ZC3H11A: variants seen among roughly 807,000 people sequenced by gnomAD.
The protein encoded by ZC3H11A is zinc finger CCCH domain-containing protein 11A.
A neutral mutation model predicts 90.8 loss-of-function variants in ZC3H11A; 22 were observed. The ratio of observed to expected loss-of-function variants is 0.24; its 90% CI spans 0.17 to 0.35. The LOEUF is 0.35. Ranked by LOEUF, ZC3H11A falls within the 10% of genes least tolerant of loss-of-function variation. The probability of loss-of-function intolerance (pLI) is 1.00; values close to 1 mark genes in which losing one functional copy is unlikely to be tolerated. For missense variants in ZC3H11A, 701 were observed against 964.9 expected (o/e 0.73, Z 3.62); for synonymous variants, 294 against 339.8 (o/e 0.87, Z 1.48).
intron 14 of ZC3H11A, among the ~76,000 whole-genome samples, chr1:203,849,029 C>T (rs1353642424): frequency 3.3e-5 from 5 of 152,164 alleles, no homozygotes; most frequent in Admixed American, 6.5e-5. Flanking sequence ...GGATCAAAGG[C>T]ATGCACCACC....
chr1:203,817,096 A>T lies in ZC3H11A; in HGVS notation c.26A>T (p.Tyr9Phe). Residue 9 changes from tyrosine (Y) to phenylalanine (F), a missense_variant, in exon 3 of 18, where the codon TAT becomes TTT. Physicochemically the swap from Tyr to Phe is conservative, Grantham distance 22. Around this residue, in one of 4 missense-constraint regions of ZC3H11A, gnomAD observed 59 missense variants for 132.8 expected, o/e 0.44. Coordinates refer to ENST00000367210, the MANE Select transcript of ZC3H11A (RefSeq NM_001376342.1). Reference sequence around the variant, plus strand: ...ATGCCTAATCAAGGAGAAGACTGCTATTTTTTTTTCTATTCCACATGTACC... The same window carrying T: ...ATGCCTAATCAAGGAGAAGACTGCTTTTTTTTTTTCTATTCCACATGTACC... MPNQGEDC[Y>F]FFFYSTCTKG... 2 of 1,587,838 alleles carry T rather than the reference A, an allele frequency of 1.3e-6. No individual in the cohort carries two copies. Among genetic ancestry groups the T allele is most frequent in the Non-Finnish European group, 1.7e-6 (2 of 1,163,080 alleles).
rs750473474 is a variant in ZC3H11A, at chr1:203,849,958, C to T, written c.1871C>T (p.Thr624Ile). ...TCATCCCAGAAGGTGGAGGTAGAAACCTCAGGGATTGGAGACTCATTATTG... is the reference window on the plus strand; with the variant it reads ...TCATCCCAGAAGGTGGAGGTAGAAATCTCAGGGATTGGAGACTCATTATTG... ...TKSSQKVEVE[T>I]SGIGDSLLNV... is the part of the protein sequence containing the mutation. Residue 624 changes from threonine to isoleucine, a missense_variant, in exon 15 of 18, where the codon ACC (threonine) becomes ATC (isoleucine). Thr to Ile is a moderately conservative substitution (Grantham distance 89, BLOSUM62 -1). Coordinates refer to ENST00000367210, the MANE Select transcript of ZC3H11A (RefSeq NM_001376342.1). 5 of 1,613,914 alleles carry T rather than the reference C, an allele frequency of 3.1e-6. No homozygotes were observed. The African/African-American group carries it at 6.7e-5, about 22-fold the overall frequency.
chr1:203,796,227 C>T (rs1668442534), intron 1 of ZC3H11A: 1 of 392,790 alleles, frequency 2.5e-6, no homozygotes. Flanking sequence ...TGAGCGGACC[C>T]TCACTGCCTA....
chr1:203,829,936 G>C lies in ZC3H11A; in HGVS notation c.619+40G>C, dbSNP rs1457029479. ...GATTGGTGCCTCTTATAGCACTGTT[G>C]AAACTACCTTTGAAATTTAGTTCAC... On this transcript the variant is annotated intron_variant, in intron 7 of 17. Coordinates refer to ENST00000367210, the MANE Select transcript of ZC3H11A (RefSeq NM_001376342.1). The C allele has an allele frequency of 5.1e-6, 8 of 1,559,132 alleles. 1 individual carries two copies. The Admixed American group carries it at 1.2e-4, about 23-fold the overall frequency.
In ZC3H11A at chr1:203,825,076, C is replaced by CAA. The variant is rs61108073; in HGVS notation, c.175-3205_175-3204dup. 9.5e-3 allele frequency among the ~76,000 whole-genome samples: 1,016 copies of CAA among 107,438 alleles called. 21 individuals are homozygous for CAA. The highest frequency in any genetic ancestry group is 0.011 in the East Asian group (41 of 3,766). The allele number at this position is 107,438 out of a possible 152,430, so 70.5% of individuals were successfully genotyped here. A position where few individuals can be genotyped will look rare whatever the true frequency, so the allele number is the denominator to read the frequency against. On this transcript the variant is annotated intron_variant, in intron 4 of 17. Coordinates refer to ENST00000367210, the MANE Select transcript of ZC3H11A (RefSeq NM_001376342.1). ...TGGGCAACAGAGCGAGACTCCGTCT[C>CAA]AAAAAAAAAAAAAAAAAAAGAAAAT...
chr1:203,838,824 G>A (rs761461071), intron 11 of ZC3H11A, among the ~76,000 whole-genome samples: 3 of 151,986 alleles, frequency 2.0e-5, no homozygotes, highest in African/African-American at 4.8e-5. Context: ...AGGGTGGCAC[G>A]CACCTATAAT....
intron 2 of ZC3H11A, among the ~76,000 whole-genome samples, chr1:203,811,336 A>AT (rs1037970808): frequency 5.3e-5 from 8 of 152,282 alleles, no homozygotes; most frequent in Middle Eastern, 3.4e-3. Flanking sequence ...AATAAATAAA[A>AT]TTAGTTGCCA....
At chr1:203,808,802 C>T (rs939577915) in intron 2 of ZC3H11A, among the ~76,000 whole-genome samples, 7 of 151,888 alleles carry the variant, frequency 4.6e-5, no homozygotes, top group Non-Finnish European at 8.8e-5. Context: ...CCATCTTCTT[C>T]TTTTTTTTCT....
At position 203,805,804 on chromosome 1, in the gene ZC3H11A, T is replaced by G. The variant is rs556302941; in HGVS notation, c.-146+2788T>G. The G allele has an allele frequency of 9.0e-5, 71 of 785,400 alleles. No individual in the cohort carries two copies. In the Admixed American group the frequency reaches 1.3e-3, roughly 14 times the overall value. 48.7% of individuals were successfully genotyped at this position (785,400 alleles called of 1,614,324 possible). On this transcript the variant is annotated intron_variant, in intron 2 of 17. Transcript: ENST00000367210. The stretch of plus-strand genomic sequence containing the variant: ...TGCTTCTAGGTTGTCTTCATCTAAT[T>G]CTGGGCCGCCATAACTGCGACTCAG...
chr1:203,835,200 A>G (rs1683893464), intron 10 of ZC3H11A, among the ~76,000 whole-genome samples: 1 of 152,216 alleles, frequency 6.6e-6, no homozygotes, highest in African/African-American at 2.4e-5. Context: ...GATAATGCCC[A>G]TGAATGAAAT....
intron 1 of ZC3H11A, chr1:203,800,853 C>G (rs1670354940): frequency 1.3e-5 from 2 of 155,432 alleles, no homozygotes; most frequent in South Asian, 4.1e-4. Context: ...AGTACACTGG[C>G]TGGCATTCCT....
intron 4 of ZC3H11A, among the ~76,000 whole-genome samples, chr1:203,824,124 C>T (rs1041545502): frequency 5.9e-5 from 9 of 151,910 alleles, no homozygotes; most frequent in African/African-American, 1.9e-4. Flanking sequence ...AAAAATTAGT[C>T]GGGCGTGGTG....
In ZC3H11A at chr1:203,833,688, G is replaced by A. The variant is rs1007645394; in HGVS notation, c.812-103G>A. The A allele has an allele frequency of 1.3e-5, 10 of 791,630 alleles. No homozygotes were observed. The African/African-American group carries it at 1.5e-4, about 12-fold the overall frequency. 49.0% of individuals were successfully genotyped at this position (791,630 alleles called of 1,614,324 possible). On this transcript the variant is annotated intron_variant, in intron 9 of 17. Coordinates refer to ENST00000367210, the MANE Select transcript of ZC3H11A (RefSeq NM_001376342.1). ...GACCTGATTTTCAAGAGACTTTCTG[G>A]GTGGATTTACACTAATATCAGAACA...
At chr1:203,815,871 A>G (rs1249501685) in intron 2 of ZC3H11A, among the ~76,000 whole-genome samples, 2 of 152,160 alleles carry the variant, frequency 1.3e-5, no homozygotes, top group Non-Finnish European at 2.9e-5. Flanking sequence ...TGCTTTTGTT[A>G]TATGCTTTTG....
chr1:203,847,751 G>T, intron 13 of ZC3H11A, 64 bp downstream of exon 13: 1 of 1,555,688 alleles, frequency 6.4e-7, no homozygotes, highest in Non-Finnish European at 8.6e-7. Context: ...AGTGTTCCGT[G>T]GGATCTTCCT....
In ZC3H11A at chr1:203,814,719, C is replaced by T. The variant is rs187301653; in HGVS notation, c.-145-2207C>T. Among the ~76,000 whole-genome samples the T allele has an allele frequency of 5.3e-4, 80 of 152,284 alleles. 1 individual carries two copies. In the Middle Eastern group the frequency reaches 0.02, roughly 39 times the overall value. On this transcript the variant is annotated intron_variant, in intron 2 of 17. Coordinates refer to ENST00000367210, the MANE Select transcript of ZC3H11A (RefSeq NM_001376342.1). ...TATGACCCAATAACAAAGCTGCTTA[C>T]ATATTTTTAGATTTTTTTGTTTTTG...
chr1:203,796,063 G>C (rs1219883789), intron 1 of ZC3H11A: 2 of 104,476 alleles, frequency 1.9e-5, no homozygotes, highest in Non-Finnish European at 3.8e-5. Context: ...CACGGCGCCT[G>C]CTCCTTTCCC....
intron 1 of ZC3H11A, chr1:203,796,774 CTT>C: frequency 3.9e-6 from 1 of 258,022 alleles, no homozygotes; most frequent in Non-Finnish European, 7.3e-6. Flanking sequence ...TGAATTAACT[CTT>C]AATACAAACA....
At position 203,847,269 on chromosome 1, in the gene ZC3H11A, G is replaced by A. The variant is rs973024763; in HGVS notation, c.1128G>A (p.Leu376=). ...GAGCCAGTCAGAAACGTGGAGAATTGCAAACTAAACTCAAGACAGAAGGAC... is the reference window on the plus strand; with the variant it reads ...GAGCCAGTCAGAAACGTGGAGAATTACAAACTAAACTCAAGACAGAAGGAC... ...LERASQKRGE[L]QTKLKTEGPS... is the part of the protein sequence containing the mutation. Residue 376 remains leucine, a synonymous_variant, in exon 13 of 18, where the codon TTG becomes TTA. Coordinates refer to ENST00000367210, the MANE Select transcript of ZC3H11A (RefSeq NM_001376342.1). 6.2e-7 allele frequency: 1 copy of A among 1,613,872 alleles called. No individual in the cohort carries two copies. Among genetic ancestry groups the A allele is most frequent in the East Asian group, 2.2e-5 (1 of 44,876 alleles).
Sources: gnomAD v4.1 joint callset for allele counts (sites outside exome capture counted in the v4.1 genomes callset) on GRCh38, gnomAD v4.1.1 for gene constraint, gnomAD v4.1.1 regional missense constraint, MANE v1.5 for transcripts, NCBI Gene and HGNC (gene_info 2026-07-23, HGNC 2026-07-21) for gene names.